The following PATJ variants were observed in gnomAD, a reference collection of about 807,000 sequenced individuals.
PATJ encodes the protein PATJ crumbs cell polarity complex component.
Under a neutral mutation model 224.9 loss-of-function variants are expected in PATJ, and 190 were observed. The ratio of observed to expected loss-of-function variants is 0.84; its 90% confidence interval spans 0.75 to 0.95. The LOEUF is 0.95. PATJ is among the 40% of genes least tolerant of loss of function. The pLI, the probability that PATJ is intolerant of heterozygous loss-of-function variation, is 0.00. For missense variants in PATJ, 2,121 were observed against 2,270.3 expected, an observed-to-expected ratio of 0.93 and a Z score of 1.34; for synonymous variants, 769 against 820.3, an observed-to-expected ratio of 0.94 and a Z score of 1.07.
intron 27 of PATJ, among the ~76,000 whole-genome samples, chr1:61,986,351 G>A (rs1443607477): frequency 6.6e-6 from 1 of 152,006 alleles, no homozygotes; most frequent in South Asian, 2.1e-4. Context: ...TTGTGTTGAT[G>A]TACGGTCCAT....
Position 61,816,438 on chromosome 1 carries a change from A to G in PATJ, c.1684-6507A>G, listed in dbSNP as rs1656118404. On this transcript the variant is annotated intron_variant, in intron 14 of 43. Transcript: ENST00000642238. ...AATCATATGCTTGCTTAGGCAGCAC[A>G]TATACTAAAATTGGAATGATACAGA... is the stretch of plus-strand genomic sequence containing the variant. 2.0e-5 allele frequency: 3 copies of G among 152,170 alleles called. No individual in the cohort carries two copies. The South Asian group carries it at 6.2e-4, about 32-fold the overall frequency. 9.4% of individuals were successfully genotyped at this position (152,170 alleles called of 1,614,324 possible).
chr1:62,063,747 T>C (rs751549551), intron 31 of PATJ, among the ~76,000 whole-genome samples: 1 of 152,206 alleles, frequency 6.6e-6, no homozygotes, highest in African/African-American at 2.4e-5. Flanking sequence ...TATCCCTAGG[T>C]ATTTTTTTGT....
chr1:61,753,739 A>G (rs942847008), intron 1 of PATJ, among the ~76,000 whole-genome samples: 16 of 151,812 alleles, frequency 1.1e-4, no homozygotes, highest in Non-Finnish European at 2.4e-4. Flanking sequence ...CGAACTCCTG[A>G]CCTCAGGTGA....
At chr1:61,780,982 A>G (rs572139677) in intron 7 of PATJ, among the ~76,000 whole-genome samples, 2 of 152,340 alleles carry the variant, frequency 1.3e-5, no homozygotes, top group Admixed American at 6.5e-5. Flanking sequence ...TACTTACGCC[A>G]GACATTGTTA....
chr1:61,757,482 C>T (rs573372496), intron 1 of PATJ, among the ~76,000 whole-genome samples: 1 of 152,134 alleles, frequency 6.6e-6, no homozygotes, highest in African/African-American at 2.4e-5. Context: ...CCTTCCTGAG[C>T]CCAGGTGAGC....
intron 27 of PATJ, among the ~76,000 whole-genome samples, chr1:61,981,242 T>C (rs1258461847): frequency 6.6e-6 from 1 of 151,900 alleles, no homozygotes; most frequent in African/African-American, 2.4e-5. Flanking sequence ...GCATGAGAGA[T>C]TAATCTGTAG....
rs1351867166 is a variant in PATJ at position 61,927,727 on chromosome 1, CA to C, written c.3571-2del. 6.2e-7 allele frequency: 1 copy of C among 1,606,280 alleles called. No individual in the cohort carries two copies. The highest frequency in any genetic ancestry group is 8.5e-7 in the Non-Finnish European group (1 of 1,175,228). ...ACCCTTCTCTCAAATTTTGCATCTT[CA>C]GAGGCAAGGAACTGCTCCACCGCCA... On this transcript the variant is annotated splice_acceptor_variant, in intron 26 of 43. Transcript: ENST00000642238. LOFTEE classifies it high-confidence loss of function.
At position 62,123,469 on chromosome 1, in the gene PATJ, C is replaced by CTTTTTTT. The variant is rs34621846; in HGVS notation, c.5043+431_5043+437dup. Among the ~76,000 whole-genome samples, 2 of 64,560 alleles carry CTTTTTTT rather than the reference C, an allele frequency of 3.1e-5. 1 individual carries two copies. Among genetic ancestry groups the CTTTTTTT allele is most frequent in the Non-Finnish European group, 5.3e-5 (2 of 37,762 alleles). The allele number at this position is 64,560 out of a possible 152,430, so 42.4% of individuals were successfully genotyped here. Reference sequence around the variant, plus strand: ...CATCTTATGAATGTGCTATAAGTTTCTTTTTTTTTTTTTTTTTTTTTTTTT... The same window carrying CTTTTTTT: ...CATCTTATGAATGTGCTATAAGTTTCTTTTTTTTTTTTTTTTTTTTTTTTTTTTTTTT... On this transcript the variant is annotated intron_variant, in intron 39 of 43. Coordinates refer to ENST00000642238, the MANE Select transcript of PATJ (RefSeq NM_001350145.3).
At chr1:61,955,664 G>A (rs1399707018) in intron 27 of PATJ, among the ~76,000 whole-genome samples, 2 of 152,106 alleles carry the variant, frequency 1.3e-5, no homozygotes, top group African/African-American at 2.4e-5. Context: ...TTACTTTTTT[G>A]AATACTTAGG....
Position 62,121,201 on chromosome 1 carries a change from C to T in PATJ, c.4911C>T (p.His1637=). 1.2e-6 allele frequency: 2 copies of T among 1,613,712 alleles called. No homozygotes were observed. The highest frequency in any genetic ancestry group is 1.3e-5 in the African/African-American group (1 of 75,008). The change falls in exon 38 of 44, where the codon CAC becomes CAT. Residue 1637 remains histidine, a synonymous_variant. Transcript: ENST00000642238. ...TTCAGGGTAGTCAGCAGAGTGCACA[C>T]AGCAGCTGTCATCCCTCCTTCGCTC... ...QNSQGSQQSA[H]SSCHPSFAPV...
intron 27 of PATJ, among the ~76,000 whole-genome samples, chr1:61,975,167 G>A (rs543688618): frequency 1.8e-4 from 27 of 151,794 alleles, no homozygotes; most frequent in Non-Finnish European, 3.4e-4. Context: ...AGCTGGTCTC[G>A]ATCTCCTGGG....
At chr1:61,746,802 G>A (rs1299058653) in intron 1 of PATJ, among the ~76,000 whole-genome samples, 1 of 152,154 alleles carries the variant, frequency 6.6e-6, no homozygotes, top group Non-Finnish European at 1.5e-5. Context: ...AAAGTACACA[G>A]ACTACTATTG....
chr1:61,865,213 CT>C (rs1300347689), intron 20 of PATJ: 2 of 141,156 alleles, frequency 1.4e-5, no homozygotes, highest in Non-Finnish European at 3.2e-5. Context: ...ATTTTCTTTT[CT>C]CTTTTTTTTT....
At chr1:61,906,170 G>C (rs1671828322) in intron 24 of PATJ, among the ~76,000 whole-genome samples, 1 of 152,178 alleles carries the variant, frequency 6.6e-6, no homozygotes, top group South Asian at 2.1e-4. Context: ...GCCAGATGAA[G>C]AGATGCATAG....
chr1:61,878,432 A>C (rs575840736), intron 21 of PATJ, among the ~76,000 whole-genome samples: 17 of 152,328 alleles, frequency 1.1e-4, no homozygotes, highest in Admixed American at 6.5e-4. Context: ...CAACATTGCC[A>C]ACTGATTGGA....
chr1:62,091,831 G>A (rs1305762674), intron 33 of PATJ, among the ~76,000 whole-genome samples: 12 of 152,064 alleles, frequency 7.9e-5, no homozygotes, highest in Admixed American at 2.6e-4. Flanking sequence ...CGAGGTGGGC[G>A]GATCACCAGA....
intron 28 of PATJ, among the ~76,000 whole-genome samples, chr1:61,996,440 G>A (rs1369353954): frequency 1.3e-5 from 2 of 152,122 alleles, no homozygotes; most frequent in African/African-American, 4.8e-5. Context: ...TGGAAGTACA[G>A]TAGAGTACTT....
intron 27 of PATJ, among the ~76,000 whole-genome samples, chr1:61,983,723 G>A (rs1429196084): frequency 6.6e-6 from 1 of 152,064 alleles, no homozygotes; most frequent in African/African-American, 2.4e-5. Flanking sequence ...GAAGACTGCA[G>A]AGAGTTGGGT....
At chr1:62,029,298 C>CA (rs770530423) in intron 29 of PATJ, among the ~76,000 whole-genome samples, 2 of 152,224 alleles carry the variant, frequency 1.3e-5, no homozygotes, top group Non-Finnish European at 2.9e-5. Context: ...AACATACACA[C>CA]ACTGCCTGTT....
Sources: gnomAD v4.1 joint callset for allele counts (sites outside exome capture counted in the v4.1 genomes callset) on GRCh38, gnomAD v4.1.1 for gene constraint, MANE v1.5 for transcripts, NCBI Gene and HGNC (gene_info 2026-07-23, HGNC 2026-07-21) for gene names.